Variants in SH3BP5 observed in about 807,000 individuals in gnomAD.
SH3BP5 encodes SH3 domain binding protein 5, also known as SH3 domain-binding protein 5.
Under a neutral mutation model 43.3 loss-of-function variants are expected in SH3BP5, and 22 were observed. The ratio of observed to expected loss-of-function variants is 0.51; its 90% CI spans 0.36 to 0.73. The LOEUF (loss-of-function observed/expected upper bound fraction) is 0.73, where lower values mean the gene tolerates loss of function less well. Ranked by LOEUF, SH3BP5 falls within the 30% of genes least tolerant of loss-of-function variation. The pLI, the probability that SH3BP5 is intolerant of heterozygous loss-of-function variation, is 0.00. For synonymous variants in SH3BP5, 255 were observed against 225.8 expected (o/e 1.13, Z -1.16); for missense variants, 529 against 586.9 (o/e 0.90, Z 1.02).
intron 3 of SH3BP5, 44 bp from the exon 4 acceptor site, chr3:15,269,921 G>A: frequency 6.9e-7 from 1 of 1,450,562 alleles, no homozygotes; most frequent in Non-Finnish European, 9.2e-7. Flanking sequence ...AAATGGCAGG[G>A]GCTCCCCATG....
At chr3:15,265,624 C>T (rs1696618476) in intron 4 of SH3BP5, among the ~76,000 whole-genome samples, 2 of 151,526 alleles carry the variant, frequency 1.3e-5, no homozygotes, top group Admixed American at 6.6e-5. Context: ...AAGAAGGTCA[C>T]TAAGCATGTC....
At chr3:15,264,905 CT>C (rs1241065944) in intron 4 of SH3BP5, among the ~76,000 whole-genome samples, 1 of 151,796 alleles carries the variant, frequency 6.6e-6, no homozygotes, top group African/African-American at 2.4e-5. Flanking sequence ...AAAGGTTTAC[CT>C]TTAAGGAGCT....
At chr3:15,305,642 A>G (rs1474930275) in intron 2 of SH3BP5, among the ~76,000 whole-genome samples, 1 of 152,178 alleles carries the variant, frequency 6.6e-6, no homozygotes, top group African/African-American at 2.4e-5. Context: ...GAGGGGAGGA[A>G]AATACTGAGT....
upstream of SH3BP5, among the ~76,000 whole-genome samples, chr3:15,337,067 G>C (rs994266363): frequency 6.6e-6 from 1 of 150,538 alleles, no homozygotes; most frequent in African/African-American, 2.5e-5. Flanking sequence ...CAAAGAGTTG[G>C]GGTTTTTTTT....
intron 3 of SH3BP5, among the ~76,000 whole-genome samples, chr3:15,270,734 T>A (rs993539949): frequency 6.6e-6 from 1 of 152,100 alleles, no homozygotes; most frequent in African/African-American, 2.4e-5. Context: ...AAGACCAGCC[T>A]GGTCAACATG....
At position 15,315,986 on chromosome 3, in the gene SH3BP5, C is replaced by T. The variant is rs184597902; in HGVS notation, c.202-11755G>A. On this transcript the variant is annotated intron_variant, in intron 2 of 8. Transcript: ENST00000383791. Reference sequence around the variant, plus strand: ...AGTCAGAAAATTAACATTGGTACAACGCTATTAATCTGGTCTACAACTTTC... The same window carrying T: ...AGTCAGAAAATTAACATTGGTACAATGCTATTAATCTGGTCTACAACTTTC... 1.2e-3 allele frequency among the ~76,000 whole-genome samples: 181 copies of T among 152,182 alleles called. 1 individual carries two copies. The highest frequency in any genetic ancestry group is 4.4e-4 in the Non-Finnish European group (30 of 68,014).
At chr3:15,332,149 T>C in intron 1 of SH3BP5, 122 bp downstream of exon 1, 1 of 1,450,162 alleles carries the variant, frequency 6.9e-7, no homozygotes, top group South Asian at 1.3e-5. Context: ...CCTGCCACCC[T>C]ATGTGGCCGC....
intron 2 of SH3BP5, among the ~76,000 whole-genome samples, chr3:15,312,150 A>G (rs1189085600): frequency 6.6e-6 from 1 of 152,212 alleles, no homozygotes; most frequent in Non-Finnish European, 1.5e-5. Context: ...CTGAGCGTTC[A>G]GTAGAGTTTT....
upstream of SH3BP5, among the ~76,000 whole-genome samples, chr3:15,334,752 A>C (rs1029403709): frequency 5.3e-5 from 8 of 152,094 alleles, no homozygotes; most frequent in South Asian, 1.0e-3. Flanking sequence ...GGAGTTCAAG[A>C]CCAGCCTGGA....
intron 3 of SH3BP5, among the ~76,000 whole-genome samples, chr3:15,300,569 C>T (rs1697710692): frequency 6.6e-6 from 1 of 152,056 alleles, no homozygotes; most frequent in Non-Finnish European, 1.5e-5. Context: ...TGGACATCGC[C>T]CCCCTCACCA....
At position 15,262,985 on chromosome 3, in the gene SH3BP5, A is replaced by G. The variant is rs181598575; in HGVS notation, c.496-696T>C. On this transcript the variant is annotated intron_variant, in intron 4 of 8. Transcript: ENST00000383791. Reference sequence around the variant, plus strand: ...AATATATATGTATATATAGATATCTATATCTAGATATATATTTGAGCAAAT... The same window carrying G: ...AATATATATGTATATATAGATATCTGTATCTAGATATATATTTGAGCAAAT... Among the ~76,000 whole-genome samples the G allele has an allele frequency of 2.6e-5, 4 of 152,288 alleles. No homozygotes were observed. In the East Asian group the frequency reaches 7.7e-4, roughly 29 times the overall value.
rs377593676 is a variant in SH3BP5, at chr3:15,286,246, G to A, written c.331-16369C>T. On this transcript the variant is annotated intron_variant, in intron 3 of 8. Transcript: ENST00000383791. ...AGGATGGGAATGGCCTAGTGACAGG[G>A]CCAGGGTAGCAGCTCCGCCCCTGCC... 1.4e-4 allele frequency among the ~76,000 whole-genome samples: 21 copies of A among 152,318 alleles called. No individual in the cohort carries two copies. In the South Asian group the frequency reaches 2.1e-3, roughly 15 times the overall value.
intron 7 of SH3BP5, among the ~76,000 whole-genome samples, chr3:15,257,764 C>T (rs1575273319): frequency 6.6e-6 from 1 of 152,248 alleles, no homozygotes; most frequent in African/African-American, 2.4e-5. Context: ...TTCAAAGCCT[C>T]TTTGGCCTTT....
rs775814461 is a variant in SH3BP5 at position 15,256,138 on chromosome 3, G to C, written c.1316C>G (p.Ser439Ter). 1.2e-6 allele frequency: 2 copies of C among 1,614,022 alleles called. No homozygotes were observed. Among genetic ancestry groups the C allele is most frequent in the African/African-American group, 2.7e-5 (2 of 74,898 alleles). ...AGCAATAATTCCATCTCTTCCCTTT[G>C]AGCACTGTAGGGAGAGCTGCTTCAT... ...NRMKQLSLQC[S>*]KGRDGIIADI... Residue 439 changes from serine to a stop codon, truncating the protein, a stop_gained, in exon 9 of 9, where the codon TCA becomes TGA. Coordinates refer to ENST00000383791, the MANE Select transcript of SH3BP5 (RefSeq NM_004844.5). LOFTEE classifies it high-confidence loss of function.
intron 2 of SH3BP5, among the ~76,000 whole-genome samples, chr3:15,311,554 T>C (rs1192195287): frequency 2.6e-5 from 1 of 38,382 alleles, no homozygotes; most frequent in Non-Finnish European, 4.8e-5. Flanking sequence ...ACATTCTGTC[T>C]CAAAAAAAGA....
chr3:15,325,079 C>G (rs1185300289), intron 2 of SH3BP5, among the ~76,000 whole-genome samples: 3 of 152,166 alleles, frequency 2.0e-5, no homozygotes, highest in African/African-American at 7.2e-5. Flanking sequence ...AGCCCACTTT[C>G]AGAGCAAGCA....
In SH3BP5 at chr3:15,257,105, C is replaced by A. The variant is rs773833705; in HGVS notation, c.898G>T (p.Glu300Ter). The A allele has an allele frequency of 1.2e-6, 2 of 1,613,780 alleles. No homozygotes were observed. Among genetic ancestry groups the A allele is most frequent in the East Asian group, 4.5e-5 (2 of 44,874 alleles). Reference sequence around the variant, plus strand: ...CTACAGCTGTCATCTTCAAAGGCCTCCGAGGCCACTAAGTTGAGAGAGAAC... The same window carrying A: ...CTACAGCTGTCATCTTCAAAGGCCTACGAGGCCACTAAGTTGAGAGAGAAC... The part of the protein sequence containing the change: ...PEPDAISVAS[E>*]AFEDDSCSNF... Residue 300 changes from glutamate (E) to a stop codon, truncating the protein, a stop_gained, in exon 8 of 9, where the codon GAG becomes TAG. Transcript: ENST00000383791. LOFTEE classifies it high-confidence loss of function.
At chr3:15,325,473 C>T (rs911398144) in intron 2 of SH3BP5, among the ~76,000 whole-genome samples, 5 of 152,232 alleles carry the variant, frequency 3.3e-5, no homozygotes, top group African/African-American at 9.6e-5. Context: ...TCACTCTCTC[C>T]AGACAATACT....
intron 3 of SH3BP5, among the ~76,000 whole-genome samples, chr3:15,298,232 T>C (rs1455297494): frequency 6.6e-6 from 1 of 152,142 alleles, no homozygotes; most frequent in Non-Finnish European, 1.5e-5. Context: ...CCTCCCAAAG[T>C]GCTGGGATTA....
Sources: gnomAD v4.1 joint callset for allele counts (sites outside exome capture counted in the v4.1 genomes callset) on GRCh38, gnomAD v4.1.1 for gene constraint, MANE v1.5 for transcripts, NCBI Gene and HGNC (gene_info 2026-07-23, HGNC 2026-07-21) for gene names.